KCTD1: variants seen among roughly 807,000 people sequenced by gnomAD.
KCTD1 encodes the protein potassium channel tetramerization domain containing 1.
Under a neutral mutation model 66.0 loss-of-function variants are expected in KCTD1, and 24 were observed. The ratio of observed to expected loss-of-function variants is 0.36; its 90% CI spans 0.26 to 0.51. The LOEUF (loss-of-function observed/expected upper bound fraction) is 0.51, where lower values mean the gene tolerates loss of function less well. Ranked by LOEUF, KCTD1 falls within the 20% of genes least tolerant of loss-of-function variation. KCTD1 has a pLI of 0.95. For missense variants in KCTD1, 943 were observed against 1,205.2 expected, an observed-to-expected ratio of 0.78 and a Z score of 3.22; for synonymous variants, 511 against 517.2, an observed-to-expected ratio of 0.99 and a Z score of 0.16.
At chr18:26,643,189 C>T (rs557120593), upstream of KCTD1, among the ~76,000 whole-genome samples, 2 of 152,270 alleles carry the variant, frequency 1.3e-5, no homozygotes, top group East Asian at 1.9e-4. Context: ...TGTGCTCACA[C>T]AGCCTCTTCT....
At chr18:26,603,290 G>C (rs1435505530) in intron 1 of KCTD1, among the ~76,000 whole-genome samples, 1 of 151,864 alleles carries the variant, frequency 6.6e-6, no homozygotes, top group Non-Finnish European at 1.5e-5. Flanking sequence ...AAACTAGCCA[G>C]ACATGGTGGT....
intron 1 of KCTD1, among the ~76,000 whole-genome samples, chr18:26,509,936 G>A (rs530661088): frequency 3.9e-5 from 6 of 152,210 alleles, no homozygotes; most frequent in Non-Finnish European, 8.8e-5. Flanking sequence ...ACCTGACAGA[G>A]GGGCAAAGAT....
chr18:26,482,236 G>A (rs186700134), intron 2 of KCTD1, among the ~76,000 whole-genome samples: 2 of 152,290 alleles, frequency 1.3e-5, no homozygotes, highest in East Asian at 3.9e-4. Context: ...GAGTGAGCTG[G>A]CTGCTTTAAG....
chr18:26,634,630 ATTAC>A (rs1287046167), intron 1 of KCTD1, among the ~76,000 whole-genome samples: 5 of 152,208 alleles, frequency 3.3e-5, no homozygotes, highest in Non-Finnish European at 5.9e-5. Flanking sequence ...TTTATAGAGG[ATTAC>A]TTAAGTAAAT....
At chr18:26,506,581 C>T (rs1466701461) in intron 1 of KCTD1, among the ~76,000 whole-genome samples, 3 of 152,138 alleles carry the variant, frequency 2.0e-5, no homozygotes, top group East Asian at 1.9e-4. Flanking sequence ...AGGGATAATG[C>T]GGGAGACAGA....
At chr18:26,538,537 AG>A (rs1984818089) in intron 1 of KCTD1, among the ~76,000 whole-genome samples, 1 of 152,122 alleles carries the variant, frequency 6.6e-6, no homozygotes, top group Admixed American at 6.6e-5. Flanking sequence ...GAAACAACAG[AG>A]GGGCCCCCGG....
At chr18:26,654,550 A>C (rs77381648) in intron 1 of KCTD1, among the ~76,000 whole-genome samples, 1 of 152,318 alleles carries the variant, frequency 6.6e-6, no homozygotes, top group Non-Finnish European at 1.5e-5. Flanking sequence ...AGAGACATCT[A>C]GTGTGTGTTG....
chr18:26,535,889 A>T (rs1260992937), intron 1 of KCTD1, among the ~76,000 whole-genome samples: 1 of 150,466 alleles, frequency 6.6e-6, no homozygotes, highest in Non-Finnish European at 1.5e-5. Context: ...AGCTGTGCAT[A>T]GATTCACAGG....
intron 4 of KCTD1, 97 bp from the exon 5 acceptor site, chr18:26,455,998 T>C: frequency 8.6e-7 from 1 of 1,164,068 alleles, no homozygotes. Context: ...CTCTGGTTCA[T>C]CTCATCCAGC....
intron 1 of KCTD1, among the ~76,000 whole-genome samples, chr18:26,542,453 T>C (rs1985017749): frequency 6.6e-6 from 1 of 152,208 alleles, no homozygotes; most frequent in Non-Finnish European, 1.5e-5. Flanking sequence ...TTCCTAAGAC[T>C]TCAAAGACAC....
intron 1 of KCTD1, among the ~76,000 whole-genome samples, chr18:26,622,895 G>A (rs1232606641): frequency 6.6e-6 from 1 of 152,176 alleles, no homozygotes; most frequent in African/African-American, 2.4e-5. Flanking sequence ...CACAGTTGAA[G>A]AGGCATACAG....
At chr18:26,564,100 G>C (rs1359760225) in intron 1 of KCTD1, among the ~76,000 whole-genome samples, 1 of 149,756 alleles carries the variant, frequency 6.7e-6, no homozygotes, top group African/African-American at 2.5e-5. Flanking sequence ...TGCATGTATT[G>C]TAATTGTGAA....
intron 1 of KCTD1, among the ~76,000 whole-genome samples, chr18:26,502,860 T>C (rs1982837026): frequency 6.6e-6 from 1 of 152,262 alleles, no homozygotes; most frequent in Non-Finnish European, 1.5e-5. Context: ...GGAAGTCATC[T>C]AGTTTTTGTG....
At chr18:26,605,714 A>ATATATCTC (rs1287871698) in intron 1 of KCTD1, among the ~76,000 whole-genome samples, 4 of 126,838 alleles carry the variant, frequency 3.2e-5, no homozygotes, top group African/African-American at 9.1e-5. Flanking sequence ...TACACCATAT[A>ATATATCTC]TATATCTCTA....
At position 26,547,422 on chromosome 18, in the gene KCTD1, T is replaced by A; in HGVS notation, c.1115A>T (p.Glu372Val). The change falls in exon 1 of 5, where the codon GAG becomes GTG. Residue 372 changes from glutamate to valine, a missense_variant. By Grantham distance (121) the Glu-to-Val change is moderately radical. Around this residue, in one of 10 missense-constraint regions of KCTD1, gnomAD observed 66 missense variants for 61.6 expected, o/e 1.07. Transcript: ENST00000580059. Reference protein sequence around the residue: ...WSKKRAESSDEENLPRMYETG... With the variant: ...WSKKRAESSDVENLPRMYETG... ...CTCATACATGCGGGGCAAGTTCTCC[T>A]CGTCGCTGCTCTCGGCGCGCTTCTT... 1 of 1,551,294 alleles carries A rather than the reference T, an allele frequency of 6.4e-7. No homozygotes were observed. The highest frequency in any genetic ancestry group is 8.7e-7 in the Non-Finnish European group (1 of 1,146,760).
At chr18:26,505,294 T>A (rs1982976513) in intron 1 of KCTD1, among the ~76,000 whole-genome samples, 1 of 152,238 alleles carries the variant, frequency 6.6e-6, no homozygotes, top group Admixed American at 6.5e-5. Context: ...CTTTCAGGAT[T>A]ACTTCTGGAG....
At chr18:26,571,129 A>G (rs1199245700) in intron 1 of KCTD1, among the ~76,000 whole-genome samples, 2 of 143,456 alleles carry the variant, frequency 1.4e-5, no homozygotes, top group Non-Finnish European at 3.1e-5. Flanking sequence ...TAACCATTGA[A>G]TATGAAAAAA....
upstream of KCTD1, chr18:26,549,052 G>T: frequency 4.1e-6 from 4 of 985,156 alleles, no homozygotes; most frequent in Non-Finnish European, 4.8e-6. Flanking sequence ...GCTGCGCCGG[G>T]CGGGCCGCGG....
At chr18:26,475,195 T>G (rs896644159) in intron 3 of KCTD1, among the ~76,000 whole-genome samples, 1 of 152,224 alleles carries the variant, frequency 6.6e-6, no homozygotes, top group Non-Finnish European at 1.5e-5. Context: ...ATTACCCACC[T>G]TTACCATCAT....
Sources: allele counts gnomAD v4.1 joint callset (sites outside exome capture counted in the v4.1 genomes callset), GRCh38; gene constraint gnomAD v4.1.1; regional missense constraint gnomAD v4.1.1; transcripts MANE v1.5; gene names NCBI Gene and HGNC (gene_info 2026-07-23, HGNC 2026-07-21).